Variants in DPF3 observed in about 807,000 individuals in gnomAD.
The protein encoded by DPF3 is double PHD fingers 3.
In DPF3, 18 loss-of-function variants were observed where a neutral mutation model predicts 56.8. The ratio of observed to expected loss-of-function variants is 0.32; its 90% CI spans 0.22 to 0.47. The LOEUF is 0.47. Ranked by LOEUF, DPF3 falls within the 20% of genes least tolerant of loss-of-function variation. The pLI, the probability that DPF3 is intolerant of heterozygous loss-of-function variation, is 1.00. For synonymous variants in DPF3, 188 were observed against 180.2 expected (o/e 1.04, Z -0.35); for missense variants, 403 against 488.8 (o/e 0.82, Z 1.65).
chr14:72,808,615 T>C (rs1183392534), intron 1 of DPF3, among the ~76,000 whole-genome samples: 2 of 152,172 alleles, frequency 1.3e-5, no homozygotes, highest in African/African-American at 4.8e-5. Context: ...ACTCTTAGGA[T>C]GAGGTAGTGT....
chr14:72,836,974 A>G (rs1005853988), intron 1 of DPF3, among the ~76,000 whole-genome samples: 1 of 152,030 alleles, frequency 6.6e-6, no homozygotes, highest in Non-Finnish European at 1.5e-5. Flanking sequence ...GGTTCAAGCA[A>G]TTCTCCTGCC....
In DPF3 at chr14:72,638,527, G is replaced by GT. The variant is rs796490263; in HGVS notation, c.872-8792dup. The stretch of plus-strand genomic sequence containing the variant: ...AATGTCTGTAATTGATGTATAGCTG[G>GT]TGGAAAACAGCAGTGATTGGTCAAC... On this transcript the variant is annotated intron_variant, in intron 8 of 10. Coordinates refer to ENST00000556509, the MANE Select transcript of DPF3 (RefSeq NM_001280542.3). 1.3e-3 allele frequency among the ~76,000 whole-genome samples: 202 copies of GT among 152,328 alleles called. 2 individuals are homozygous for GT. The highest frequency in any genetic ancestry group is 4.6e-3 in the African/African-American group (191 of 41,574).
intron 5 of DPF3, among the ~76,000 whole-genome samples, chr14:72,715,376 C>G (rs186448600): frequency 6.6e-4 from 101 of 152,306 alleles, no homozygotes; most frequent in African/African-American, 2.4e-3. Flanking sequence ...CTTTGTAAGT[C>G]CCACACTGGT....
At chr14:72,781,132 G>A (rs756031503) in intron 1 of DPF3, among the ~76,000 whole-genome samples, 8 of 152,232 alleles carry the variant, frequency 5.3e-5, no homozygotes, top group Non-Finnish European at 1.2e-4. Flanking sequence ...TGGCAGAGCT[G>A]GACGGCCCAG....
chr14:72,643,469 G>A (rs951215046), intron 8 of DPF3, among the ~76,000 whole-genome samples: 2 of 152,222 alleles, frequency 1.3e-5, no homozygotes, highest in African/African-American at 2.4e-5. Context: ...AATTGCTCAG[G>A]AGTGAGCCAG....
intron 1 of DPF3, among the ~76,000 whole-genome samples, chr14:72,796,990 G>T (rs953268039): frequency 8.5e-5 from 13 of 152,278 alleles, no homozygotes; most frequent in Non-Finnish European, 1.6e-4. Flanking sequence ...ATCGCACCTG[G>T]ATAGAAGACT....
chr14:72,781,729 G>A (rs1891982884), intron 1 of DPF3, among the ~76,000 whole-genome samples: 2 of 150,804 alleles, frequency 1.3e-5, no homozygotes, highest in African/African-American at 2.4e-5. Context: ...GGGGGAGGTG[G>A]GAAGGGGACG....
chr14:72,838,486 C>T (rs9323577), intron 1 of DPF3, among the ~76,000 whole-genome samples: 72,219 of 151,440 alleles, frequency 0.48, 18,182 homozygotes, highest in East Asian at 0.87. Context: ...AGAGTGAGAC[C>T]CTGTCTCCAA....
At chr14:72,750,867 T>C (rs1046690112) in intron 3 of DPF3, among the ~76,000 whole-genome samples, 3 of 149,390 alleles carry the variant, frequency 2.0e-5, no homozygotes, top group Non-Finnish European at 4.4e-5. Flanking sequence ...TTTTTCATGA[T>C]ACAGTATATC....
At chr14:72,842,789 C>T (rs777865825) in intron 1 of DPF3, among the ~76,000 whole-genome samples, 27 of 152,162 alleles carry the variant, frequency 1.8e-4, no homozygotes, top group Middle Eastern at 3.4e-3. Flanking sequence ...TTTGGGAGGC[C>T]GAGGCAGGCG....
chr14:72,705,889 A>G (rs576148470), intron 6 of DPF3, among the ~76,000 whole-genome samples: 1 of 152,138 alleles, frequency 6.6e-6, no homozygotes, highest in Non-Finnish European at 1.5e-5. Flanking sequence ...GCTTCCAGAA[A>G]GGGACAGTGA....
At chr14:72,771,654 T>C in intron 2 of DPF3, 79 bp downstream of exon 2, 1 of 1,517,402 alleles carries the variant, frequency 6.6e-7, no homozygotes, top group South Asian at 1.3e-5. Context: ...GCTGCCTGGT[T>C]TCCCAGACAA....
intron 1 of DPF3, among the ~76,000 whole-genome samples, chr14:72,879,052 G>T (rs138500290): frequency 6.6e-6 from 1 of 152,208 alleles, no homozygotes; most frequent in Non-Finnish European, 1.5e-5. Context: ...TTCCCCACAC[G>T]TTTCCTACGT....
chr14:72,821,027 G>T (rs565440511), intron 1 of DPF3, among the ~76,000 whole-genome samples: 2 of 151,946 alleles, frequency 1.3e-5, no homozygotes, highest in African/African-American at 4.8e-5. Flanking sequence ...CCAGCTGCTT[G>T]GGAGGCTGAG....
intron 8 of DPF3, among the ~76,000 whole-genome samples, chr14:72,640,046 T>TAAAAAAAAAAAAAAAAAAAAAAAAAA (rs370070354): frequency 2.4e-4 from 11 of 45,260 alleles, no homozygotes; most frequent in Admixed American, 7.1e-4. Context: ...GTTTTCTAAG[T>TAAAAAAAAAAAAAAAAAAAAAAAAAA]AAAAAAAAAA....
chr14:72,725,919 T>C (rs187233439), intron 4 of DPF3, among the ~76,000 whole-genome samples: 82 of 152,280 alleles, frequency 5.4e-4, no homozygotes, highest in Non-Finnish European at 9.4e-4. Context: ...TTCTACTAGG[T>C]TTATTTGGGA....
chr14:72,708,113 G>A (rs1235104294), intron 6 of DPF3, among the ~76,000 whole-genome samples: 3 of 152,180 alleles, frequency 2.0e-5, no homozygotes, highest in African/African-American at 7.2e-5. Flanking sequence ...TCCAGAGGGT[G>A]TGGGTCACAG....
At chr14:72,881,950 G>A (rs187691996) in intron 1 of DPF3, among the ~76,000 whole-genome samples, 2,083 of 122,756 alleles carry the variant, frequency 0.017, 38 homozygotes, top group African/African-American at 0.048. Flanking sequence ...GTAAGTGAAG[G>A]GGGGGAAGAT....
At position 72,834,762 on chromosome 14, in the gene DPF3, A is replaced by G. The variant is rs150356873; in HGVS notation, c.32+59295T>C. 3.0e-3 allele frequency among the ~76,000 whole-genome samples: 457 copies of G among 152,362 alleles called. 4 individuals carry two copies. Among genetic ancestry groups the G allele is most frequent in the African/African-American group, 0.011 (437 of 41,578 alleles). Reference sequence around the variant, plus strand: ...CTTGTACATGAAAGTTTGTGTTAGCATTCTTCATAACAGCCAAAAAGCAGA... The same window carrying G: ...CTTGTACATGAAAGTTTGTGTTAGCGTTCTTCATAACAGCCAAAAAGCAGA... On this transcript the variant is annotated intron_variant, in intron 1 of 10. Coordinates refer to ENST00000556509, the MANE Select transcript of DPF3 (RefSeq NM_001280542.3).
Sources: gnomAD v4.1 joint callset for allele counts (sites outside exome capture counted in the v4.1 genomes callset) on GRCh38, gnomAD v4.1.1 for gene constraint, MANE v1.5 for transcripts, NCBI Gene and HGNC (gene_info 2026-07-23, HGNC 2026-07-21) for gene names.